The following SUFU variants were observed in gnomAD, a reference collection of about 807,000 sequenced individuals.
SUFU encodes the protein SUFU negative regulator of hedgehog signaling, also known as suppressor of fused homolog.
In SUFU, 7 loss-of-function variants were observed where a neutral mutation model predicts 58.9. The ratio of observed to expected loss-of-function variants is 0.12; its 90% confidence interval spans 0.07 to 0.22. The LOEUF (loss-of-function observed/expected upper bound fraction) is 0.22. Ranked by LOEUF, SUFU falls within the 10% of genes least tolerant of loss-of-function variation. SUFU has a pLI of 1.00. For synonymous variants in SUFU, 232 were observed against 254.8 expected (o/e 0.91, Z 0.85); for missense variants, 451 against 641.3 (o/e 0.70, Z 3.20).
intron 3 of SUFU, 50 bp from the exon 4 acceptor site, chr10:102,592,532 G>A: frequency 6.2e-7 from 1 of 1,611,320 alleles, no homozygotes; most frequent in Non-Finnish European, 8.5e-7. Context: ...CAGATTCCAG[G>A]CCTGGATCTG....
At chr10:102,518,499 A>G (rs191908691) in intron 2 of SUFU, among the ~76,000 whole-genome samples, 1 of 132,752 alleles carries the variant, frequency 7.5e-6, no homozygotes, top group Admixed American at 7.6e-5. Flanking sequence ...GAAGCTATCT[A>G]TCTAACTGTC....
At chr10:102,593,766 G>C in intron 5 of SUFU, 45 bp downstream of exon 5, 1 of 1,589,760 alleles carries the variant, frequency 6.3e-7, no homozygotes, top group Non-Finnish European at 8.6e-7. Context: ...TGGGCCTGGG[G>C]GTGGGAGTCC....
At chr10:102,569,743 C>T (rs1231092539) in intron 3 of SUFU, among the ~76,000 whole-genome samples, 2 of 152,096 alleles carry the variant, frequency 1.3e-5, no homozygotes, top group Non-Finnish European at 2.9e-5. Context: ...GCCTCATGTC[C>T]GTCTCTGACC....
intron 2 of SUFU, among the ~76,000 whole-genome samples, chr10:102,528,961 CTTTTTTTTTTT>C (rs33942579): frequency 7.6e-6 from 1 of 131,166 alleles, no homozygotes; most frequent in African/African-American, 2.9e-5. Context: ...TTTTTCCTTT[CTTTTTTTTTTT>C]TTTTTTAAGA....
chr10:102,538,631 GCA>G (rs369121547), intron 2 of SUFU, among the ~76,000 whole-genome samples: 1 of 151,822 alleles, frequency 6.6e-6, no homozygotes, highest in African/African-American at 2.4e-5. Flanking sequence ...ACGCATGCAT[GCA>G]CACACACACA....
chr10:102,539,172 A>C lies in SUFU; in HGVS notation c.318-10798A>C, dbSNP rs188081912. Among the ~76,000 whole-genome samples, 61 of 152,268 alleles carry C rather than the reference A, an allele frequency of 4.0e-4. No individual in the cohort carries two copies. The East Asian group carries it at 9.6e-3, about 24-fold the overall frequency. On this transcript the variant is annotated intron_variant, in intron 2 of 11. Transcript: ENST00000369902. ...CAGTGACTCCAGAGTCTTTTTTAGT[A>C]ACTTAATTGTCACATCTCTTAGATG...
At chr10:102,626,749 C>G (rs1164833168) in intron 10 of SUFU, among the ~76,000 whole-genome samples, 3 of 152,180 alleles carry the variant, frequency 2.0e-5, no homozygotes, top group African/African-American at 4.8e-5. Context: ...TTCCTTTTGT[C>G]CTTCTACGGT....
chr10:102,533,787 G>T (rs1268115814), intron 2 of SUFU, among the ~76,000 whole-genome samples: 1 of 152,154 alleles, frequency 6.6e-6, no homozygotes, highest in African/African-American at 2.4e-5. Flanking sequence ...TTCACTGTAA[G>T]ATCATCCCCA....
rs35007507 is a variant in SUFU at position 102,519,527 on chromosome 10, C to CAA, written c.317+10240_317+10241dup. Among the ~76,000 whole-genome samples, 1,057 of 127,340 alleles carry CAA rather than the reference C, an allele frequency of 8.3e-3. 21 individuals are homozygous for CAA. Among genetic ancestry groups the CAA allele is most frequent in the African/African-American group, 0.026 (863 of 33,768 alleles). The allele number at this position is 127,340 out of a possible 152,430, so 83.5% of individuals were successfully genotyped here. A position where few individuals can be genotyped will look rare whatever the true frequency, so the allele number is the denominator to read the frequency against. On this transcript the variant is annotated intron_variant, in intron 2 of 11. Transcript: ENST00000369902. ...TGGCAACAAGAGAGAAACTCTGTCT[C>CAA]AAAAAAAAAAAAAAAAAGTCTTCTG... is the stretch of plus-strand genomic sequence containing the variant.
In SUFU at chr10:102,630,167, C is replaced by T. The variant is rs369067980; in HGVS notation, c.*12C>T. On this transcript the variant is annotated 3_prime_UTR_variant, in exon 12 of 12. Coordinates refer to ENST00000369902, the MANE Select transcript of SUFU (RefSeq NM_016169.4). Reference sequence around the variant, plus strand: ...GTCCGCTACACTAGCCTGGGCTGGGCCCTGCAGTGGCCAGCAGGGAGCCCA... The same window carrying T: ...GTCCGCTACACTAGCCTGGGCTGGGTCCTGCAGTGGCCAGCAGGGAGCCCA... 3 of 1,612,376 alleles carry T rather than the reference C, an allele frequency of 1.9e-6. No homozygotes were observed. The highest frequency in any genetic ancestry group is 2.5e-6 in the Non-Finnish European group (3 of 1,178,456).
intron 9 of SUFU, among the ~76,000 whole-genome samples, chr10:102,616,696 C>T (rs1033677907): frequency 2.6e-5 from 4 of 152,250 alleles, no homozygotes; most frequent in African/African-American, 9.6e-5. Context: ...ACAGTAACTT[C>T]TGTGGCTCCC....
Position 102,560,712 on chromosome 10 carries a change from A to G in SUFU, c.454+10606A>G, listed in dbSNP as rs149170610. Among the ~76,000 whole-genome samples the G allele has an allele frequency of 4.1e-3, 625 of 152,296 alleles. 5 individuals are homozygous for G. The highest frequency in any genetic ancestry group is 0.015 in the African/African-American group (603 of 41,564). On this transcript the variant is annotated intron_variant, in intron 3 of 11. Coordinates refer to ENST00000369902, the MANE Select transcript of SUFU (RefSeq NM_016169.4). ...AACGCGACACTTTTTTAATACCTAC[A>G]TATACTGTACTTTATTTAACCAGTC... is the stretch of plus-strand genomic sequence containing the variant.
At position 102,627,049 on chromosome 10, in the gene SUFU, C is replaced by A; in HGVS notation, c.1297-126C>A. ...ACAGGCCTCAAACACTTCCCTGTGTCCCTTGAACAGATCACAGTGAGCTCA... is the reference window on the plus strand; with the variant it reads ...ACAGGCCTCAAACACTTCCCTGTGTACCTTGAACAGATCACAGTGAGCTCA... On this transcript the variant is annotated intron_variant, in intron 10 of 11. Transcript: ENST00000369902. 2 of 1,024,216 alleles carry A rather than the reference C, an allele frequency of 2.0e-6. 1 individual carries two copies. The highest frequency in any genetic ancestry group is 2.6e-5 in the South Asian group (2 of 77,574). 63.4% of individuals were successfully genotyped at this position (1,024,216 alleles called of 1,614,324 possible).
rs2063797724 is a variant in SUFU, at chr10:102,627,621, T to C, written c.1365+378T>C. Among the ~76,000 whole-genome samples, 3 of 152,362 alleles carry C rather than the reference T, an allele frequency of 2.0e-5. 1 individual carries two copies. The South Asian group carries it at 6.2e-4, about 32-fold the overall frequency. On this transcript the variant is annotated intron_variant, in intron 11 of 11. Transcript: ENST00000369902. ...TGGCAGATTCTGAACAGAACGCCCATGTCTGTTGCCAGAGAACATTCCGCT... is the reference window on the plus strand; with the variant it reads ...TGGCAGATTCTGAACAGAACGCCCACGTCTGTTGCCAGAGAACATTCCGCT...
chr10:102,617,389 T>G lies in SUFU; in HGVS notation c.1257T>G (p.Thr419=). ...VSTGVEGAFA[T]EEHPYAAHGP... ...CGGGAGTGGAAGGCGCCTTTGCCAC[T>G]GAGGAGCATCCTTACGCGGCTCATG... Residue 419 remains threonine, a synonymous_variant, in exon 10 of 12, where the codon ACT becomes ACG. Coordinates refer to ENST00000369902, the MANE Select transcript of SUFU (RefSeq NM_016169.4). The surrounding 1 kb of genome is among the most constrained non-coding windows in gnomAD (Gnocchi z 4.4). 1 of 1,614,244 alleles carries G rather than the reference T, an allele frequency of 6.2e-7. No individual in the cohort carries two copies.
intron 10 of SUFU, among the ~76,000 whole-genome samples, chr10:102,623,948 A>G (rs895137817): frequency 1.3e-5 from 2 of 152,096 alleles, no homozygotes; most frequent in Non-Finnish European, 2.9e-5. Context: ...TCTAAAAAAT[A>G]AAAAGAAAAG....
intron 3 of SUFU, among the ~76,000 whole-genome samples, chr10:102,567,404 G>A (rs1009629819): frequency 2.0e-5 from 3 of 152,074 alleles, no homozygotes; most frequent in Non-Finnish European, 4.4e-5. Context: ...GCACCCGTAA[G>A]CCATACACAG....
At chr10:102,525,810 C>T (rs753565528) in intron 2 of SUFU, among the ~76,000 whole-genome samples, 17 of 152,184 alleles carry the variant, frequency 1.1e-4, no homozygotes, top group Non-Finnish European at 2.1e-4. Flanking sequence ...GGCCTATTTT[C>T]ATAAATTTTT....
At chr10:102,611,609 G>T (rs1298826767) in intron 8 of SUFU, among the ~76,000 whole-genome samples, 1 of 152,234 alleles carries the variant, frequency 6.6e-6, no homozygotes, top group Non-Finnish European at 1.5e-5. Flanking sequence ...TACAGGAGGA[G>T]CAGATAGACT....
Sources: gnomAD v4.1 joint callset for allele counts (sites outside exome capture counted in the v4.1 genomes callset) on GRCh38, gnomAD v4.1.1 for gene constraint, Gnocchi (gnomAD v3.1) non-coding constraint, MANE v1.5 for transcripts, NCBI Gene and HGNC (gene_info 2026-07-23, HGNC 2026-07-21) for gene names.